The following TDRD6 variants were observed in gnomAD, a reference collection of about 807,000 sequenced individuals.
TDRD6 encodes tudor domain-containing protein 6.
Under a neutral mutation model 157.5 loss-of-function variants are expected in TDRD6, and 186 were observed. That is an observed-to-expected ratio of 1.18 (90% CI 1.05 to 1.33). The LOEUF (loss-of-function observed/expected upper bound fraction) is 1.33. TDRD6 is among the 40% of genes most tolerant of loss of function. The pLI is 0.00. For missense variants in TDRD6, 3,066 were observed against 2,508.0 expected (o/e 1.22, Z -4.75); for synonymous variants, 1,075 against 945.2 (o/e 1.14, Z -2.52).
upstream of TDRD6, among the ~76,000 whole-genome samples, chr6:46,683,437 C>T (rs1764010388): frequency 1.3e-5 from 2 of 151,512 alleles, no homozygotes; most frequent in African/African-American, 4.8e-5. Context: ...TTTAGTGGAA[C>T]AATAACAACA....
chr6:46,696,581 G>GTGTGTA (rs1297824557), intron 2 of TDRD6, among the ~76,000 whole-genome samples: 1 of 34,890 alleles, frequency 2.9e-5, no homozygotes, highest in Non-Finnish European at 4.4e-5. Context: ...GTGTGTGTGT[G>GTGTGTA]TATATATATA....
Position 46,702,029 on chromosome 6 carries a change from G to A in TDRD6, c.*142G>A. On this transcript the variant is annotated 3_prime_UTR_variant, in exon 4 of 4. Transcript: ENST00000316081. Reference sequence around the variant, plus strand: ...ATTTTCAAAAACTTCTATATAGGTGGAAAACAAATTAGGTCTCAGGTTGAT... The same window carrying A: ...ATTTTCAAAAACTTCTATATAGGTGAAAAACAAATTAGGTCTCAGGTTGAT... 1.2e-6 allele frequency: 1 copy of A among 865,654 alleles called. No individual in the cohort carries two copies. Among genetic ancestry groups the A allele is most frequent in the South Asian group, 1.7e-5 (1 of 58,348 alleles). 53.6% of individuals were successfully genotyped at this position (865,654 alleles called of 1,614,324 possible). A position where few individuals can be genotyped will look rare whatever the true frequency, so the allele number is the denominator to read the frequency against.
At chr6:46,683,553 T>C (rs1764012908), upstream of TDRD6, among the ~76,000 whole-genome samples, 1 of 152,046 alleles carries the variant, frequency 6.6e-6, no homozygotes, top group African/African-American at 2.4e-5. Context: ...ACTGTAAACA[T>C]TTGTCAAAAT....
chr6:46,683,823 ACT>A (rs1764019097), upstream of TDRD6, among the ~76,000 whole-genome samples: 1 of 152,056 alleles, frequency 6.6e-6, no homozygotes, highest in African/African-American at 2.4e-5. Context: ...AGAGAACCTA[ACT>A]CTGAAAATTT....
Position 46,688,511 on chromosome 6 carries a change from G to T in TDRD6, c.383G>T (p.Gly128Val). The change falls in exon 1 of 4, where the codon GGC becomes GTC. Residue 128 changes from glycine (G) to valine (V), a missense_variant. Transcript: ENST00000316081. Reference sequence around the variant, plus strand: ...TTCAATTTGCCCTCGGAAGTGCTGGGCTGCGTGCTAGCGGGCCTGGTGCCG... The same window carrying T: ...TTCAATTTGCCCTCGGAAGTGCTGGTCTGCGTGCTAGCGGGCCTGGTGCCG... ...EFFNLPSEVL[G>V]CVLAGLVPAG... 6.4e-7 allele frequency: 1 copy of T among 1,564,082 alleles called. No individual in the cohort carries two copies.
the TDRD6 span, among the ~76,000 whole-genome samples, chr6:46,680,692 T>A: frequency 6.6e-6 from 1 of 152,228 alleles, no homozygotes; most frequent in East Asian, 1.9e-4. Flanking sequence ...TCAACCTGAC[T>A]CCAGCCCATT....
At chr6:46,697,349 G>A (rs1764525295) in intron 2 of TDRD6, among the ~76,000 whole-genome samples, 1 of 151,968 alleles carries the variant, frequency 6.6e-6, no homozygotes. Context: ...CCCAAAAAAA[G>A]CCTTATTTCT....
At chr6:46,680,442 C>G in the TDRD6 span, among the ~76,000 whole-genome samples, 11 of 151,994 alleles carry the variant, frequency 7.2e-5, no homozygotes, top group African/African-American at 2.2e-4. Flanking sequence ...TTAAAAATGT[C>G]ATTAGGATTC....
chr6:46,688,461 G>T lies in TDRD6; in HGVS notation c.333G>T (p.Ser111=), dbSNP rs1341301310. ...GCACCATCACGGCCGGAGCAGGCTC[G>T]CTGGCGCCTGGGCGCAGAGAGTTCT... ...EGRTITAGAG[S]LAPGRREFFN... The change falls in exon 1 of 4, where the codon TCG becomes TCT. Residue 111 remains serine, a synonymous_variant. Coordinates refer to ENST00000316081, the MANE Select transcript of TDRD6 (RefSeq NM_001010870.3). 6.5e-7 allele frequency: 1 copy of T among 1,543,956 alleles called. No individual in the cohort carries two copies.
intron 2 of TDRD6, among the ~76,000 whole-genome samples, chr6:46,697,535 TG>T (rs1453235786): frequency 7.9e-5 from 12 of 152,204 alleles, no homozygotes; most frequent in Non-Finnish European, 1.6e-4. Context: ...TGAAGTAGCA[TG>T]GAGTTTGAAA....
At chr6:46,698,575 G>A (rs866296909) in intron 3 of TDRD6, among the ~76,000 whole-genome samples, 13 of 152,244 alleles carry the variant, frequency 8.5e-5, no homozygotes, top group South Asian at 6.2e-4. Context: ...TGGGCAATTT[G>A]CCATGACATT....
Position 46,689,355 on chromosome 6 carries a change from T to A in TDRD6, c.1227T>A (p.Ile409=). The A allele has an allele frequency of 6.2e-7, 1 of 1,614,088 alleles. No homozygotes were observed. The highest frequency in any genetic ancestry group is 1.1e-5 in the South Asian group (1 of 91,080). Residue 409 remains isoleucine, a synonymous_variant, in exon 1 of 4, where the codon ATT becomes ATA. Coordinates refer to ENST00000316081, the MANE Select transcript of TDRD6 (RefSeq NM_001010870.3). ...TAGGCAAGGCAGTGAATGCAAAGAT[T>A]GAATTTTATTGCTCCTTTGAGCATG... ...LILGKAVNAK[I]EFYCSFEHVY... is the part of the protein sequence containing the mutation.
chr6:46,699,104 A>G (rs978165936), intron 3 of TDRD6, among the ~76,000 whole-genome samples: 2 of 152,160 alleles, frequency 1.3e-5, no homozygotes, highest in Non-Finnish European at 2.9e-5. Flanking sequence ...TAGAGTTCAC[A>G]TGTAGCATTA....
Position 46,701,886 on chromosome 6 carries a change from A to C in TDRD6, c.6290A>C (p.Ter2097SerextTer15), listed in dbSNP as rs1582555080. 1 of 1,612,756 alleles carries C rather than the reference A, an allele frequency of 6.2e-7. No individual in the cohort carries two copies. The highest frequency in any genetic ancestry group is 2.2e-5 in the East Asian group (1 of 44,838). The part of the protein sequence containing the change: ...EKRGLEVMEI[*>S] ...AGGGGTTTGGAGGTGATGGAGATTT[A>C]ACCGTGGATCTATAGCTGTGGCCAA... Residue 2097 changes from the stop codon to serine, a stop_lost, in exon 4 of 4, where the codon TAA becomes TCA. Coordinates refer to ENST00000316081, the MANE Select transcript of TDRD6 (RefSeq NM_001010870.3).
Position 46,689,988 on chromosome 6 carries a change from T to A in TDRD6, c.1860T>A (p.Phe620Leu), listed in dbSNP as rs370131768. 6.8e-6 allele frequency: 11 copies of A among 1,613,390 alleles called. No individual in the cohort carries two copies. In the African/African-American group the frequency reaches 1.1e-4, roughly 16 times the overall value. ...GGAGCCAGGAGGCAGTTTCCTTTTTTAAAAAGACTGTGCTCCACAAAGAAT... is the reference window on the plus strand; with the variant it reads ...GGAGCCAGGAGGCAGTTTCCTTTTTAAAAAAGACTGTGCTCCACAAAGAAT... Reference protein sequence around the residue: ...KTWSQEAVSFFKKTVLHKELV... With the variant: ...KTWSQEAVSFLKKTVLHKELV... Residue 620 changes from phenylalanine (F) to leucine (L), a missense_variant, in exon 1 of 4, where the codon TTT becomes TTA. Physicochemically the swap from Phe to Leu is conservative, Grantham distance 22. Transcript: ENST00000316081.
Position 46,692,842 on chromosome 6 carries a change from G to C in TDRD6, c.4714G>C (p.Asp1572His), listed in dbSNP as rs1035011840. The C allele has an allele frequency of 8.7e-6, 14 of 1,613,826 alleles. No individual in the cohort carries two copies. The highest frequency in any genetic ancestry group is 1.1e-5 in the Non-Finnish European group (13 of 1,179,930). Residue 1572 changes from aspartate to histidine, a missense_variant, in exon 1 of 4, where the codon GAT becomes CAT. Physicochemically the swap from Asp to His is moderately conservative, Grantham distance 81. Coordinates refer to ENST00000316081, the MANE Select transcript of TDRD6 (RefSeq NM_001010870.3). The part of the protein sequence containing the change: ...RNCIPCPYIG[D>H]PCIVRYREDG... ...TTGTATCCCATGTCCTTATATTGGA[G>C]ATCCTTGTATAGTAAGATACAGAGA... is the stretch of plus-strand genomic sequence containing the variant.
At chr6:46,683,352 A>G (rs557420902), upstream of TDRD6, among the ~76,000 whole-genome samples, 1 of 152,192 alleles carries the variant, frequency 6.6e-6, no homozygotes, top group African/African-American at 2.4e-5. Context: ...AAAATTATAA[A>G]ACTTCTAAAC....
At position 46,690,893 on chromosome 6, in the gene TDRD6, G is replaced by A. The variant is rs776364304; in HGVS notation, c.2765G>A (p.Cys922Tyr). The A allele has an allele frequency of 9.3e-6, 15 of 1,613,810 alleles. No homozygotes were observed. In the Admixed American group the frequency reaches 1.2e-4, roughly 13 times the overall value. Residue 922 changes from cysteine (C) to tyrosine (Y), a missense_variant, in exon 1 of 4, where the codon TGT (cysteine) becomes TAT (tyrosine). Cys to Tyr is a radical substitution (Grantham distance 194). Coordinates refer to ENST00000316081, the MANE Select transcript of TDRD6 (RefSeq NM_001010870.3). ...NAWQKNLELK[C>Y]TIFALASINE... is the part of the protein sequence containing the mutation. ...TGGCAAAAAAATCTAGAATTAAAATGTACAATATTTGCTCTGGCTTCAATT... is the reference window on the plus strand; with the variant it reads ...TGGCAAAAAAATCTAGAATTAAAATATACAATATTTGCTCTGGCTTCAATT...
rs772888622 is a variant in TDRD6 at position 46,688,348 on chromosome 6, C to T, written c.220C>T (p.Leu74=). The T allele has an allele frequency of 5.2e-5, 79 of 1,531,636 alleles. 1 individual carries two copies. In the South Asian group the frequency reaches 8.7e-4, roughly 17 times the overall value. The allele number at this position is 1,531,636 out of a possible 1,614,324, so 94.9% of individuals were successfully genotyped here. A position where few individuals can be genotyped will look rare whatever the true frequency, so the allele number is the denominator to read the frequency against. The part of the protein sequence containing the change: ...SASASPGELC[L]VQVGLLWHRC... ...CTCGGCCTCGCCCGGCGAGCTGTGC[C>T]TGGTGCAGGTCGGGCTTTTGTGGCA... Residue 74 remains leucine (L), a synonymous_variant, in exon 1 of 4, where the codon CTG becomes TTG. Coordinates refer to ENST00000316081, the MANE Select transcript of TDRD6 (RefSeq NM_001010870.3).
Sources: allele counts gnomAD v4.1 joint callset (sites outside exome capture counted in the v4.1 genomes callset), GRCh38; gene constraint gnomAD v4.1.1; transcripts MANE v1.5; gene names NCBI Gene and HGNC (gene_info 2026-07-23, HGNC 2026-07-21).